DSCAM: variants seen among roughly 807,000 people sequenced by gnomAD.
DSCAM encodes DS cell adhesion molecule.
A neutral mutation model predicts 217.7 loss-of-function variants in DSCAM; 47 were observed. The ratio of observed to expected loss-of-function variants is 0.22; its 90% CI spans 0.17 to 0.28. DSCAM has a LOEUF of 0.28. Ranked by LOEUF, DSCAM falls within the 10% of genes least tolerant of loss-of-function variation. DSCAM has a pLI of 1.00. For missense variants in DSCAM, 2,080 were observed against 2,618.3 expected (o/e 0.79, Z 4.49); for synonymous variants, 1,056 against 1,015.3 (o/e 1.04, Z -0.76).
chr21:40,067,696 C>T (rs997440509), intron 27 of DSCAM, among the ~76,000 whole-genome samples: 1 of 139,044 alleles, frequency 7.2e-6, no homozygotes. Context: ...TCCTGAGTTT[C>T]TCCCTTCCCC....
chr21:40,534,381 G>A (rs1198187184), intron 3 of DSCAM, among the ~76,000 whole-genome samples: 1 of 152,172 alleles, frequency 6.6e-6, no homozygotes, highest in Non-Finnish European at 1.5e-5. Flanking sequence ...CAGTTCAGAA[G>A]CAAGTCAAGG....
intron 1 of DSCAM, among the ~76,000 whole-genome samples, chr21:40,740,713 C>G (rs2837802): frequency 0.39 from 58,622 of 152,006 alleles, 12,462 homozygotes; most frequent in East Asian, 0.47. Context: ...AGGTGGTAGA[C>G]ACACTGGGGC....
intron 9 of DSCAM, among the ~76,000 whole-genome samples, chr21:40,308,361 T>C (rs2123481607): frequency 6.6e-6 from 1 of 152,232 alleles, no homozygotes; most frequent in Middle Eastern, 3.4e-3. Flanking sequence ...ACTCCTAGGG[T>C]GTGGCATTCC....
At chr21:40,670,168 G>C (rs1236193180) in intron 3 of DSCAM, among the ~76,000 whole-genome samples, 1 of 152,140 alleles carries the variant, frequency 6.6e-6, no homozygotes, top group Non-Finnish European at 1.5e-5. Context: ...TAAGTTATTT[G>C]TGGTAAAGTA....
intron 1 of DSCAM, among the ~76,000 whole-genome samples, chr21:40,766,883 A>G (rs972302961): frequency 6.6e-6 from 1 of 151,856 alleles, no homozygotes; most frequent in Non-Finnish European, 1.5e-5. Flanking sequence ...ACGGGGTTTC[A>G]CCATGTTGGC....
chr21:40,113,100 A>G (rs2089921150), intron 20 of DSCAM, among the ~76,000 whole-genome samples: 1 of 152,204 alleles, frequency 6.6e-6, no homozygotes, highest in Non-Finnish European at 1.5e-5. Flanking sequence ...AAAGCCTGGC[A>G]GAGACACAAC....
intron 1 of DSCAM, among the ~76,000 whole-genome samples, chr21:40,791,380 C>A (rs1479683188): frequency 6.6e-6 from 1 of 151,904 alleles, no homozygotes; most frequent in Non-Finnish European, 1.5e-5. Flanking sequence ...TAAGGCCAGG[C>A]GCAGTGGTTC....
intron 32 of DSCAM, among the ~76,000 whole-genome samples, chr21:40,035,813 A>C (rs201012310): frequency 1.3e-4 from 18 of 141,680 alleles, no homozygotes; most frequent in Admixed American, 6.8e-4. Context: ...ATAACAAACT[A>C]TCTCTCAGAC....
chr21:40,642,791 T>C (rs1385610702), intron 3 of DSCAM, among the ~76,000 whole-genome samples: 1 of 152,160 alleles, frequency 6.6e-6, no homozygotes, highest in Non-Finnish European at 1.5e-5. Flanking sequence ...GGTTCTGCCA[T>C]GTTGCCCAGG....
intron 15 of DSCAM, among the ~76,000 whole-genome samples, chr21:40,172,116 C>T (rs1437969746): frequency 6.6e-6 from 1 of 152,084 alleles, no homozygotes; most frequent in Non-Finnish European, 1.5e-5. Flanking sequence ...TAAAAATACA[C>T]AAATTTGCTG....
intron 8 of DSCAM, among the ~76,000 whole-genome samples, chr21:40,323,596 CTG>C (rs1401698791): frequency 1.3e-5 from 2 of 152,110 alleles, no homozygotes; most frequent in Non-Finnish European, 2.9e-5. Flanking sequence ...AAAAAAAATG[CTG>C]TGTTTGTTTT....
intron 11 of DSCAM, among the ~76,000 whole-genome samples, chr21:40,228,063 CTGT>C (rs932767789): frequency 3.9e-5 from 6 of 152,272 alleles, no homozygotes; most frequent in African/African-American, 1.4e-4. Context: ...TGGGGCTTGT[CTGT>C]TGTTTTTCTC....
intron 3 of DSCAM, among the ~76,000 whole-genome samples, chr21:40,633,616 G>A (rs746363316): frequency 6.6e-6 from 1 of 152,196 alleles, no homozygotes; most frequent in Non-Finnish European, 1.5e-5. Flanking sequence ...ACGTGCACAT[G>A]GCGATTTTTC....
chr21:40,320,758 A>G (rs2074250369), intron 8 of DSCAM, among the ~76,000 whole-genome samples: 1 of 152,214 alleles, frequency 6.6e-6, no homozygotes, highest in Non-Finnish European at 1.5e-5. Context: ...AGACTTATTC[A>G]CTACCACGAG....
chr21:40,037,190 A>G (rs368468313), intron 32 of DSCAM, among the ~76,000 whole-genome samples: 161 of 148,732 alleles, frequency 1.1e-3, no homozygotes, highest in Non-Finnish European at 1.4e-3. Flanking sequence ...AGAAGGAAAT[A>G]AAGGGTATTC....
chr21:40,485,303 C>T (rs1041455666), intron 3 of DSCAM, among the ~76,000 whole-genome samples: 15 of 145,160 alleles, frequency 1.0e-4, no homozygotes, highest in Middle Eastern at 4.0e-3. Context: ...AGTGCAGTGG[C>T]GCGATCTCGG....
chr21:40,337,386 T>G (rs547118719), intron 8 of DSCAM, among the ~76,000 whole-genome samples: 17 of 152,352 alleles, frequency 1.1e-4, no homozygotes, highest in Admixed American at 5.2e-4. Flanking sequence ...ACAATTTTAT[T>G]TCATATTCAG....
At chr21:40,268,548 A>G (rs190614095) in intron 11 of DSCAM, among the ~76,000 whole-genome samples, 6,180 of 152,212 alleles carry the variant, frequency 0.041, 363 homozygotes, top group East Asian at 0.22. Flanking sequence ...AAAGTTAAAA[A>G]AAATAATAAC....
chr21:40,329,548 A>C (rs1803482283), intron 8 of DSCAM, among the ~76,000 whole-genome samples: 1 of 152,084 alleles, frequency 6.6e-6, no homozygotes, highest in Admixed American at 6.5e-5. Context: ...CAGGAGGCAG[A>C]GGATGCAGTG....
Sources: allele counts gnomAD v4.1 joint callset (sites outside exome capture counted in the v4.1 genomes callset), GRCh38; gene constraint gnomAD v4.1.1; transcripts MANE v1.5; gene names NCBI Gene and HGNC (gene_info 2026-07-23, HGNC 2026-07-21).